The following FOXP2 variants were observed in gnomAD, a reference collection of about 807,000 sequenced individuals.
FOXP2 encodes forkhead box P2, also known as forkhead box protein P2.
Under a neutral mutation model 115.8 loss-of-function variants are expected in FOXP2, and 12 were observed. The observed-to-expected ratio is 0.10, with a 90% confidence interval of 0.07 to 0.17. FOXP2 has a LOEUF of 0.17. Ranked by LOEUF, FOXP2 falls within the 10% of genes least tolerant of loss-of-function variation. The pLI, the probability that FOXP2 is intolerant of heterozygous loss-of-function variation, is 1.00. For synonymous variants in FOXP2, 328 were observed against 297.7 expected (o/e 1.10, Z -1.05); for missense variants, 629 against 843.5 (o/e 0.75, Z 3.15).
chr7:114,642,795 TATATATATATA>T (rs1805623245), intron 7 of FOXP2, among the ~76,000 whole-genome samples, 172 bp downstream of exon 7: 4 of 38,588 alleles, frequency 1.0e-4, no homozygotes, highest in East Asian at 7.1e-4. Flanking sequence ...TATATATATA[TATATATATATA>T]TATATATTTT....
At chr7:114,480,609 A>G (rs1410674726) in intron 2 of FOXP2, among the ~76,000 whole-genome samples, 1 of 150,210 alleles carries the variant, frequency 6.7e-6, no homozygotes, top group Non-Finnish European at 1.5e-5. Context: ...ATATATACAT[A>G]TATAAACATA....
chr7:114,435,059 C>T (rs934146028), intron 2 of FOXP2, among the ~76,000 whole-genome samples: 5 of 152,094 alleles, frequency 3.3e-5, no homozygotes, highest in African/African-American at 1.2e-4. Context: ...ACGGAAGTTG[C>T]CTTAACTTCA....
rs182566128 is a variant in FOXP2, at chr7:114,092,712, T to A, written c.-247+4874T>A. ...GTCATAAAATCATCTCATTTTTTTT[T>A]AAAAAAAGATCCCCAACATCTTTAA... On this transcript the variant is annotated intron_variant, in intron 1 of 19. Transcript: ENST00000635638. Among the ~76,000 whole-genome samples, 696 of 152,010 alleles carry A rather than the reference T, an allele frequency of 4.6e-3. 4 individuals carry two copies. Among genetic ancestry groups the A allele is most frequent in the African/African-American group, 0.015 (622 of 41,474 alleles).
intron 1 of FOXP2, among the ~76,000 whole-genome samples, chr7:114,278,036 A>G (rs1480185894): frequency 1.3e-5 from 2 of 150,642 alleles, no homozygotes; most frequent in Non-Finnish European, 3.0e-5. Flanking sequence ...AAAAAAAAAA[A>G]AAAAAAAAAA....
chr7:114,610,093 A>T (rs1392637681), intron 3 of FOXP2, among the ~76,000 whole-genome samples: 1 of 152,228 alleles, frequency 6.6e-6, no homozygotes, highest in Non-Finnish European at 1.5e-5. Flanking sequence ...GTTATTGATC[A>T]TGATGCATAT....
At chr7:114,460,986 G>A (rs1795535257) in intron 2 of FOXP2, among the ~76,000 whole-genome samples, 1 of 152,106 alleles carries the variant, frequency 6.6e-6, no homozygotes, top group African/African-American at 2.4e-5. Flanking sequence ...AGTTATTGAC[G>A]GGAAGGTGTC....
intron 3 of FOXP2, among the ~76,000 whole-genome samples, chr7:114,584,181 T>G (rs1050620968): frequency 6.6e-6 from 1 of 152,192 alleles, no homozygotes; most frequent in Non-Finnish European, 1.5e-5. Flanking sequence ...AGATCTGACT[T>G]TTACATCACA....
Position 114,658,083 on chromosome 7 carries a change from T to C in FOXP2, c.1284T>C (p.Ser428=). The change falls in exon 11 of 17, where the codon AGT becomes AGC. Residue 428 remains serine, a synonymous_variant. Coordinates refer to ENST00000350908, the MANE Select transcript of FOXP2 (RefSeq NM_014491.4). ...PSPKPLNLVS[S]VTMSKNMLET... ...CTTTGCAGCTAAATCTGGTGTCTAG[T>C]GTCACCATGTCGAAGAATATGTTGG... The C allele has an allele frequency of 6.2e-7, 1 of 1,613,846 alleles. No homozygotes were observed. Among genetic ancestry groups the C allele is most frequent in the East Asian group, 2.2e-5 (1 of 44,856 alleles).
At chr7:114,132,613 G>C (rs1025320815) in intron 1 of FOXP2, among the ~76,000 whole-genome samples, 1 of 150,216 alleles carries the variant, frequency 6.7e-6, no homozygotes, top group African/African-American at 2.5e-5. Flanking sequence ...GAGAGAGAGA[G>C]AGATGGGGTG....
chr7:114,339,116 G>A (rs1004644819), intron 2 of FOXP2, among the ~76,000 whole-genome samples: 4 of 151,118 alleles, frequency 2.6e-5, no homozygotes, highest in African/African-American at 9.7e-5. Flanking sequence ...CTGTTGAAAT[G>A]TTAATTTTAC....
At chr7:114,404,006 A>G (rs1041987294) in intron 2 of FOXP2, among the ~76,000 whole-genome samples, 4 of 152,122 alleles carry the variant, frequency 2.6e-5, no homozygotes, top group Non-Finnish European at 4.4e-5. Context: ...GTGGACATTC[A>G]TTTGCCTTGG....
In FOXP2 at chr7:114,105,916, C is replaced by T. The variant is rs184782184; in HGVS notation, c.-247+18078C>T. ...TGCTCTTTCCTCTGTATATTTCACA[C>T]TACTTCTCATGAATTGAGAATCTGA... On this transcript the variant is annotated intron_variant, in intron 1 of 19. Transcript: ENST00000635638. Among the ~76,000 whole-genome samples, 124 of 152,204 alleles carry T rather than the reference C, an allele frequency of 8.1e-4. 3 individuals are homozygous for T. The South Asian group carries it at 0.024, about 30-fold the overall frequency.
intron 3 of FOXP2, among the ~76,000 whole-genome samples, chr7:114,581,084 C>CACAG (rs1189227838): frequency 6.6e-6 from 1 of 151,144 alleles, no homozygotes; most frequent in East Asian, 1.9e-4. Flanking sequence ...TGCACACACA[C>CACAG]ACACACACAC....
intron 2 of FOXP2, among the ~76,000 whole-genome samples, chr7:114,494,679 T>G (rs1797229397): frequency 6.6e-6 from 1 of 152,198 alleles, no homozygotes; most frequent in South Asian, 2.1e-4. Flanking sequence ...CCCTCAGAGT[T>G]ATTTGTATAA....
chr7:114,320,556 C>T (rs1486447088), intron 2 of FOXP2, among the ~76,000 whole-genome samples: 1 of 152,168 alleles, frequency 6.6e-6, no homozygotes, highest in African/African-American at 2.4e-5. Context: ...GGATCTAAAA[C>T]ATTCTAGTTA....
Position 114,379,462 on chromosome 7 carries a change from C to T in FOXP2, c.-10-47040C>T, listed in dbSNP as rs777447057. 3.0e-4 allele frequency among the ~76,000 whole-genome samples: 45 copies of T among 152,042 alleles called. 1 individual carries two copies. The highest frequency in any genetic ancestry group is 3.4e-3 in the Middle Eastern group (1 of 294). On this transcript the variant is annotated intron_variant, in intron 2 of 17. Transcript: ENST00000634411. The stretch of plus-strand genomic sequence containing the variant: ...CCCAAGTGTTGTTGGGGAGGTTGGC[C>T]GATGACCACTCTAACTGCTTCCTGC...
At chr7:114,550,232 C>T (rs1800140014) in intron 3 of FOXP2, among the ~76,000 whole-genome samples, 1 of 151,562 alleles carries the variant, frequency 6.6e-6, no homozygotes, top group African/African-American at 2.4e-5. Flanking sequence ...ATTCTCCTGC[C>T]TCAGCCTCCT....
chr7:114,360,197 G>A (rs1037906566), intron 2 of FOXP2, among the ~76,000 whole-genome samples: 1 of 152,124 alleles, frequency 6.6e-6, no homozygotes, highest in African/African-American at 2.4e-5. Context: ...CTTGTCTGCT[G>A]CCATGTAAGA....
At chr7:114,554,031 A>T (rs964156297) in intron 3 of FOXP2, among the ~76,000 whole-genome samples, 1 of 152,116 alleles carries the variant, frequency 6.6e-6, no homozygotes, top group African/African-American at 2.4e-5. Flanking sequence ...TAGAAATAAA[A>T]ATCTCTATTA....
Sources: gnomAD v4.1 joint callset for allele counts (sites outside exome capture counted in the v4.1 genomes callset) on GRCh38, gnomAD v4.1.1 for gene constraint, MANE v1.5 for transcripts, NCBI Gene and HGNC (gene_info 2026-07-23, HGNC 2026-07-21) for gene names.